Variants in COBLL1 observed in about 807,000 individuals in gnomAD.
COBLL1 encodes the protein cordon-bleu WH2 repeat protein like 1.
COBLL1 carries 50 observed loss-of-function variants against 94.8 expected under a neutral mutation model. The ratio of observed to expected loss-of-function variants is 0.53; its 90% CI spans 0.42 to 0.67. The LOEUF (loss-of-function observed/expected upper bound fraction) is 0.67, where lower values mean the gene tolerates loss of function less well. Among genes scored for constraint, COBLL1 ranks in the 30% least tolerant of loss-of-function variants. The probability of loss-of-function intolerance (pLI) is 0.00; values close to 1 mark genes in which losing one functional copy is unlikely to be tolerated. For missense variants in COBLL1, 1,362 were observed against 1,348.7 expected (o/e 1.01, Z -0.15); for synonymous variants, 448 against 473.8 (o/e 0.95, Z 0.71).
At chr2:164,659,102 G>A (rs1478012463) in intron 2 of COBLL1, among the ~76,000 whole-genome samples, 1 of 152,090 alleles carries the variant, frequency 6.6e-6, no homozygotes, top group Non-Finnish European at 1.5e-5. Context: ...TGCTGCATGG[G>A]CATGGAGGAC....
chr2:164,744,541 G>T (rs1452877654), intron 2 of COBLL1, among the ~76,000 whole-genome samples: 2 of 152,134 alleles, frequency 1.3e-5, no homozygotes, highest in Non-Finnish European at 2.9e-5. Flanking sequence ...AAGCATGCTA[G>T]CCAGATGTGG....
At chr2:164,660,021 A>G (rs557429755) in intron 2 of COBLL1, among the ~76,000 whole-genome samples, 1 of 152,334 alleles carries the variant, frequency 6.6e-6, no homozygotes, top group Non-Finnish European at 1.5e-5. Context: ...CCTGCAGAAT[A>G]CAGTTTATGT....
intron 3 of COBLL1, 45 bp downstream of exon 3, chr2:164,743,642 G>A (rs1306433086): frequency 2.8e-6 from 4 of 1,440,534 alleles, no homozygotes; most frequent in Non-Finnish European, 3.9e-6. Flanking sequence ...TTTCAATGGT[G>A]GAATAAGAAG....
chr2:164,832,440 T>G (rs1026475976), intron 2 of COBLL1, among the ~76,000 whole-genome samples: 1 of 152,194 alleles, frequency 6.6e-6, no homozygotes, highest in Non-Finnish European at 1.5e-5. Context: ...TCTGATGCCT[T>G]AGCATTCGAT....
chr2:164,703,357 G>GA (rs1239246361), intron 9 of COBLL1: 5 of 605,022 alleles, frequency 8.3e-6, no homozygotes, highest in East Asian at 2.9e-5. Flanking sequence ...GAGGTAAAAG[G>GA]AAAAAAACAA....
chr2:164,713,329 G>C (rs1684998826), intron 7 of COBLL1, among the ~76,000 whole-genome samples: 1 of 152,108 alleles, frequency 6.6e-6, no homozygotes, highest in African/African-American at 2.4e-5. Flanking sequence ...ATAATAACGA[G>C]AGAAGAAATA....
intron 2 of COBLL1, among the ~76,000 whole-genome samples, chr2:164,778,729 T>C (rs1446265028): frequency 6.6e-6 from 1 of 152,004 alleles, no homozygotes; most frequent in Admixed American, 6.6e-5. Flanking sequence ...ATGGAAGGGA[T>C]TGATTAAAAG....
At chr2:164,673,689 A>C (rs1212669305) in intron 1 of COBLL1, among the ~76,000 whole-genome samples, 1 of 152,130 alleles carries the variant, frequency 6.6e-6, no homozygotes, top group Non-Finnish European at 1.5e-5. Flanking sequence ...AAAATAAATA[A>C]ATAAATAAAT....
At position 164,841,056 on chromosome 2, in the gene COBLL1, C is replaced by T. The variant is rs1312360215; in HGVS notation, c.41+100G>A. ...GACAGTCAGTGAGTCAGGCCGCCGG[C>T]AGGGCAGCGAGTTGCCAGCCAGGTG... On this transcript the variant is annotated intron_variant, in intron 2 of 13. Coordinates refer to ENST00000652658, the MANE Select transcript of COBLL1 (RefSeq NM_001365672.2). The surrounding 1 kb of genome is among the most constrained non-coding windows in gnomAD (Gnocchi z 5.5). 3.4e-6 allele frequency: 4 copies of T among 1,175,862 alleles called. No homozygotes were observed. The highest frequency in any genetic ancestry group is 3.2e-5 in the East Asian group (1 of 31,030). The allele number at this position is 1,175,862 out of a possible 1,614,324, so 72.8% of individuals were successfully genotyped here.
intron 2 of COBLL1, among the ~76,000 whole-genome samples, chr2:164,810,852 A>G (rs993045671): frequency 1.4e-4 from 21 of 152,068 alleles, no homozygotes; most frequent in African/African-American, 4.6e-4. Context: ...TTCAAGCACT[A>G]ATTTGTCAAA....
intron 9 of COBLL1, among the ~76,000 whole-genome samples, chr2:164,702,512 C>T (rs574298469): frequency 1.4e-5 from 2 of 140,346 alleles, no homozygotes; most frequent in Non-Finnish European, 3.0e-5. Flanking sequence ...TGCAGTGAGC[C>T]GAGATCACGC....
intron 2 of COBLL1, among the ~76,000 whole-genome samples, chr2:164,823,555 C>G (rs1199054175): frequency 2.0e-5 from 3 of 152,174 alleles, no homozygotes; most frequent in Non-Finnish European, 4.4e-5. Context: ...CCAGTACAGC[C>G]TGGTGAGCAC....
At position 164,682,154 on chromosome 2, in the gene COBLL1, A is replaced by G. The variant is rs1295027931; in HGVS notation, c.*3792T>C. The G allele has an allele frequency of 2.6e-5, 4 of 152,162 alleles. No individual in the cohort carries two copies. The highest frequency in any genetic ancestry group is 4.8e-5 in the African/African-American group (2 of 41,450). The allele number at this position is 152,162 out of a possible 1,614,324, so 9.4% of individuals were successfully genotyped here. Reference sequence around the variant, plus strand: ...CTTCTGTGACCTTTGTAAAGTAGCAATCTTTGCACACCTTTTAAATATGTG... The same window carrying G: ...CTTCTGTGACCTTTGTAAAGTAGCAGTCTTTGCACACCTTTTAAATATGTG... On this transcript the variant is annotated 3_prime_UTR_variant, in exon 14 of 14. Coordinates refer to ENST00000652658, the MANE Select transcript of COBLL1 (RefSeq NM_001365672.2).
intron 5 of COBLL1, among the ~76,000 whole-genome samples, chr2:164,727,697 A>G (rs1685782733): frequency 6.6e-6 from 1 of 151,718 alleles, no homozygotes; most frequent in Admixed American, 6.6e-5. Context: ...CCAAAAAAAA[A>G]AAAATCAAAG....
Position 164,684,486 on chromosome 2 carries a change from A to C in COBLL1, c.*1460T>G, listed in dbSNP as rs1558913908. 1 of 152,120 alleles carries C rather than the reference A, an allele frequency of 6.6e-6. No homozygotes were observed. Among genetic ancestry groups the C allele is most frequent in the Non-Finnish European group, 1.5e-5 (1 of 68,006 alleles). The allele number at this position is 152,120 out of a possible 1,614,324, so 9.4% of individuals were successfully genotyped here. On this transcript the variant is annotated 3_prime_UTR_variant, in exon 14 of 14. Coordinates refer to ENST00000652658, the MANE Select transcript of COBLL1 (RefSeq NM_001365672.2). ...AACAACATAACTTAAGTATCTATAT[A>C]TGAGGGTCTCTCCAACTGATTCAAG...
At chr2:164,825,007 T>A (rs967590856) in intron 2 of COBLL1, among the ~76,000 whole-genome samples, 2 of 152,182 alleles carry the variant, frequency 1.3e-5, no homozygotes, top group Non-Finnish European at 2.9e-5. Flanking sequence ...CCTGGCCACA[T>A]GACCCCAGAC....
At chr2:164,768,415 GA>G (rs1239058574) in intron 2 of COBLL1, among the ~76,000 whole-genome samples, 3 of 140,454 alleles carry the variant, frequency 2.1e-5, no homozygotes, top group South Asian at 2.2e-4. Flanking sequence ...AACATTATGA[GA>G]TTTTTTTTTT....
intron 2 of COBLL1, among the ~76,000 whole-genome samples, chr2:164,812,726 T>C (rs556469039): frequency 6.6e-6 from 1 of 152,204 alleles, no homozygotes; most frequent in South Asian, 2.1e-4. Flanking sequence ...GCCTAGCATA[T>C]ATTAGAGTAC....
At chr2:164,660,862 A>G (rs1002038503) in intron 2 of COBLL1, among the ~76,000 whole-genome samples, 7 of 152,186 alleles carry the variant, frequency 4.6e-5, no homozygotes, top group Non-Finnish European at 8.8e-5. Flanking sequence ...AATGGGTTTG[A>G]TTGAAACATT....
Sources: allele counts gnomAD v4.1 joint callset (sites outside exome capture counted in the v4.1 genomes callset), GRCh38; gene constraint gnomAD v4.1.1; non-coding constraint Gnocchi (gnomAD v3.1); transcripts MANE v1.5; gene names NCBI Gene and HGNC (gene_info 2026-07-23, HGNC 2026-07-21).